DNAJC11: variants seen among roughly 807,000 people sequenced by gnomAD.
DNAJC11 encodes the protein dnaJ homolog subfamily C member 11.
In DNAJC11, 15 loss-of-function variants were observed where a neutral mutation model predicts 78.6. The ratio of observed to expected loss-of-function variants is 0.19; its 90% confidence interval spans 0.13 to 0.29. DNAJC11 has a LOEUF of 0.29. Ranked by LOEUF, DNAJC11 falls within the 10% of genes least tolerant of loss-of-function variation. The pLI is 1.00. For missense variants in DNAJC11, 547 were observed against 709.6 expected (o/e 0.77, Z 2.60); for synonymous variants, 292 against 272.1 (o/e 1.07, Z -0.72).
In DNAJC11 at chr1:6,653,977, T is replaced by C. The variant is rs747192246; in HGVS notation, c.441A>G (p.Glu147=). The C allele has an allele frequency of 7.4e-6, 12 of 1,613,692 alleles. No individual in the cohort carries two copies. Among genetic ancestry groups the C allele is most frequent in the Non-Finnish European group, 5.9e-6 (7 of 1,179,684 alleles). The change falls in exon 5 of 16, where the codon GAA becomes GAG. Residue 147 remains glutamate, a synonymous_variant. Coordinates refer to ENST00000377577, the MANE Select transcript of DNAJC11 (RefSeq NM_018198.4). The surrounding 1 kb of genome is among the most constrained non-coding windows in gnomAD (Gnocchi z 4.5). The stretch of plus-strand genomic sequence containing the variant: ...GCGGAAAGCTACTGCCGGACACATC[T>C]TCATACTCCTCATCATAGCGATCAA... ...DLFDRYDEEY[E]DVSGSSFPQI...
chr1:6,695,942 C>A (rs156984), intron 1 of DNAJC11, among the ~76,000 whole-genome samples: 32,476 of 152,096 alleles, frequency 0.21, 3,900 homozygotes, highest in Admixed American at 0.32. Context: ...TCCCTCTATC[C>A]CATTGTTAAC....
intron 4 of DNAJC11, among the ~76,000 whole-genome samples, chr1:6,657,628 G>C (rs1237126569): frequency 1.3e-5 from 2 of 152,206 alleles, no homozygotes; most frequent in Non-Finnish European, 2.9e-5. Context: ...AAAGTCTGTA[G>C]ATACATGCCC....
At chr1:6,649,780 T>C (rs1020850378) in intron 7 of DNAJC11, among the ~76,000 whole-genome samples, 1 of 151,386 alleles carries the variant, frequency 6.6e-6, no homozygotes, top group Non-Finnish European at 1.5e-5. Context: ...TGATCTTGGA[T>C]CATTGCAACC....
chr1:6,655,250 G>C (rs561738586), intron 4 of DNAJC11, among the ~76,000 whole-genome samples: 23 of 152,190 alleles, frequency 1.5e-4, no homozygotes, highest in African/African-American at 4.8e-4. Flanking sequence ...TTGTTTTTGC[G>C]GTGATATTCA....
intron 1 of DNAJC11, among the ~76,000 whole-genome samples, chr1:6,690,169 T>C (rs1005893146): frequency 6.6e-6 from 1 of 152,112 alleles, no homozygotes; most frequent in Non-Finnish European, 1.5e-5. Flanking sequence ...TTCATGAAAG[T>C]GAAAGGCAAC....
At chr1:6,643,548 T>G (rs1333791295) in intron 10 of DNAJC11, among the ~76,000 whole-genome samples, 1 of 152,138 alleles carries the variant, frequency 6.6e-6, no homozygotes, top group Non-Finnish European at 1.5e-5. Context: ...GTGCTGGGAT[T>G]ACAGGTGTGA....
At chr1:6,691,720 C>T (rs1224244478) in intron 1 of DNAJC11, among the ~76,000 whole-genome samples, 1 of 152,176 alleles carries the variant, frequency 6.6e-6, no homozygotes, top group East Asian at 1.9e-4. Context: ...AGAAGTGGTT[C>T]CAACAGTCCA....
At chr1:6,678,662 A>G (rs1160795651) in intron 2 of DNAJC11, among the ~76,000 whole-genome samples, 195 bp from the exon 3 acceptor site, 1 of 151,874 alleles carries the variant, frequency 6.6e-6, no homozygotes, top group Non-Finnish European at 1.5e-5. Flanking sequence ...TTGTTTATTG[A>G]CTTATTGACT....
chr1:6,651,986 A>G (rs1642063703), intron 6 of DNAJC11, among the ~76,000 whole-genome samples: 1 of 113,050 alleles, frequency 8.8e-6, no homozygotes, highest in Non-Finnish European at 1.7e-5. Context: ...CCACCCCCGC[A>G]TGCACTGCCG....
intron 1 of DNAJC11, among the ~76,000 whole-genome samples, chr1:6,694,074 G>T (rs940639392): frequency 1.3e-5 from 2 of 151,864 alleles, no homozygotes; most frequent in Admixed American, 1.3e-4. Flanking sequence ...GACCTCAAGT[G>T]ATCCGCTGGC....
chr1:6,674,718 A>G (rs1642432630), intron 3 of DNAJC11, among the ~76,000 whole-genome samples: 1 of 151,266 alleles, frequency 6.6e-6, no homozygotes, highest in African/African-American at 2.4e-5. Context: ...ACAAAGTGAG[A>G]CTCTGTCTCA....
chr1:6,684,916 C>G (rs1642617497), intron 1 of DNAJC11, among the ~76,000 whole-genome samples: 1 of 152,170 alleles, frequency 6.6e-6, no homozygotes, highest in Non-Finnish European at 1.5e-5. Flanking sequence ...TCCCAATAGA[C>G]TTTAAAGACT....
chr1:6,635,775 C>G, intron 15 of DNAJC11, 75 bp from the exon 16 acceptor site: 1 of 1,565,192 alleles, frequency 6.4e-7, no homozygotes, highest in Non-Finnish European at 8.8e-7. Flanking sequence ...TGGGGCTCAG[C>G]AGTCACCCGG....
chr1:6,695,627 TAAAAAAAAAAAAAAA>T (rs70984004), intron 1 of DNAJC11, among the ~76,000 whole-genome samples: 3 of 83,002 alleles, frequency 3.6e-5, no homozygotes, highest in African/African-American at 4.5e-5. Context: ...CTATCTCTAC[TAAAAAAAAAAAAAAA>T]AAAAAAAAAA....
At chr1:6,636,560 CAT>C (rs557541135) in intron 14 of DNAJC11, among the ~76,000 whole-genome samples, 43 of 152,284 alleles carry the variant, frequency 2.8e-4, no homozygotes, top group African/African-American at 9.4e-4. Flanking sequence ...AAGACTCACA[CAT>C]GTTACAAGTG....
intron 10 of DNAJC11, among the ~76,000 whole-genome samples, chr1:6,641,876 TGAG>T (rs1641883456): frequency 6.6e-6 from 1 of 152,200 alleles, no homozygotes; most frequent in Admixed American, 6.5e-5. Context: ...TTATGTCTGA[TGAG>T]GAGTGCAGGA....
At chr1:6,642,016 A>G (rs1641885766) in intron 10 of DNAJC11, among the ~76,000 whole-genome samples, 1 of 152,176 alleles carries the variant, frequency 6.6e-6, no homozygotes, top group Non-Finnish European at 1.5e-5. Context: ...ATTTGAGCAG[A>G]CAGCAGATAC....
intron 4 of DNAJC11, among the ~76,000 whole-genome samples, chr1:6,655,879 G>A (rs1183282369): frequency 2.6e-5 from 4 of 151,902 alleles, no homozygotes; most frequent in Admixed American, 6.6e-5. Context: ...CGAGGCAGGC[G>A]GCTCACGAAG....
chr1:6,667,664 G>A, intron 4 of DNAJC11, 45 bp downstream of exon 4: 1 of 1,510,096 alleles, frequency 6.6e-7, no homozygotes, highest in East Asian at 2.3e-5. Flanking sequence ...CTAGTTATGA[G>A]GCCTTTTCAT....
Sources: allele counts gnomAD v4.1 joint callset (sites outside exome capture counted in the v4.1 genomes callset), GRCh38; gene constraint gnomAD v4.1.1; non-coding constraint Gnocchi (gnomAD v3.1); transcripts MANE v1.5; gene names NCBI Gene and HGNC (gene_info 2026-07-23, HGNC 2026-07-21).